The following GNA14 variants were observed in gnomAD, a reference collection of about 807,000 sequenced individuals.
GNA14 encodes the protein guanine nucleotide-binding protein subunit alpha-14.
Under a neutral mutation model 42.0 loss-of-function variants are expected in GNA14, and 50 were observed. The ratio of observed to expected loss-of-function variants is 1.19; its 90% CI spans 0.95 to 1.51. The LOEUF is 1.51. Ranked by LOEUF, GNA14 falls within the 40% of genes most tolerant of loss-of-function variation. GNA14 has a pLI of 0.00. For synonymous variants in GNA14, 173 were observed against 163.1 expected, an observed-to-expected ratio of 1.06 and a Z score of -0.46; for missense variants, 473 against 446.2, an observed-to-expected ratio of 1.06 and a Z score of -0.54.
At chr9:77,643,232 G>A (rs917049610) in intron 1 of GNA14, among the ~76,000 whole-genome samples, 11 of 150,638 alleles carry the variant, frequency 7.3e-5, no homozygotes, top group Middle Eastern at 3.2e-3. Context: ...GAGTGGGAAG[G>A]TGTTGTCATT....
intron 2 of GNA14, among the ~76,000 whole-genome samples, chr9:77,454,700 C>G (rs1835970096): frequency 6.6e-6 from 1 of 151,576 alleles, no homozygotes; most frequent in Non-Finnish European, 1.5e-5. Context: ...TCCATAAACT[C>G]TCTTCTGCAA....
intron 2 of GNA14, among the ~76,000 whole-genome samples, chr9:77,473,514 C>T (rs79233288): frequency 0.014 from 2,055 of 151,852 alleles, 43 homozygotes; most frequent in African/African-American, 0.047. Flanking sequence ...AAAAACATCC[C>T]ACATTCATGA....
intron 1 of GNA14, among the ~76,000 whole-genome samples, chr9:77,623,410 G>A (rs1823964540): frequency 6.6e-6 from 1 of 152,002 alleles, no homozygotes; most frequent in African/African-American, 2.4e-5. Flanking sequence ...ATTTTTGTAA[G>A]CCCCATAAAG....
At chr9:77,435,575 T>C (rs1303552550) in intron 2 of GNA14, among the ~76,000 whole-genome samples, 1 of 152,154 alleles carries the variant, frequency 6.6e-6, no homozygotes, top group East Asian at 1.9e-4. Flanking sequence ...ATTACTATGA[T>C]TATTAAATAA....
rs1296011151 is a variant in GNA14, at chr9:77,598,393, ACC to A, written c.124+49275_124+49276del. 2.6e-5 allele frequency among the ~76,000 whole-genome samples: 4 copies of A among 152,138 alleles called. No individual in the cohort carries two copies. In the East Asian group the frequency reaches 7.7e-4, roughly 29 times the overall value. On this transcript the variant is annotated intron_variant, in intron 1 of 6. Transcript: ENST00000341700. ...CACTCCCATGAAGACTTCTCTAATC[ACC>A]AAAGTCTGCAGTGATTTCTGACCCC...
At chr9:77,441,486 T>A (rs867379765) in intron 2 of GNA14, among the ~76,000 whole-genome samples, 1 of 152,192 alleles carries the variant, frequency 6.6e-6, no homozygotes, top group East Asian at 1.9e-4. Flanking sequence ...TATGTCTTTA[T>A]AGCAATGTGA....
At chr9:77,473,611 A>AT (rs200957339) in intron 2 of GNA14, among the ~76,000 whole-genome samples, 7,407 of 132,514 alleles carry the variant, frequency 0.056, 274 homozygotes, top group East Asian at 0.15. Flanking sequence ...TTTCACCTGG[A>AT]TTTTTTTTTT....
chr9:77,452,593 TG>T (rs1835926074), intron 2 of GNA14, among the ~76,000 whole-genome samples: 1 of 118,844 alleles, frequency 8.4e-6, no homozygotes, highest in Non-Finnish European at 1.7e-5. Flanking sequence ...TATGTGTGTG[TG>T]TGGTGTGTAT....
At chr9:77,647,387 C>T (rs889701532) in intron 1 of GNA14, among the ~76,000 whole-genome samples, 2 of 152,154 alleles carry the variant, frequency 1.3e-5, no homozygotes, top group Admixed American at 6.5e-5. Context: ...GAGGGGCACA[C>T]CGGAACACAT....
At chr9:77,642,117 T>C (rs577259931) in intron 1 of GNA14, among the ~76,000 whole-genome samples, 16 of 152,378 alleles carry the variant, frequency 1.1e-4, no homozygotes, top group African/African-American at 2.2e-4. Flanking sequence ...ATTGTGATCA[T>C]ACATTTGTCA....
At chr9:77,443,701 G>A (rs954755644) in intron 2 of GNA14, among the ~76,000 whole-genome samples, 4 of 151,762 alleles carry the variant, frequency 2.6e-5, no homozygotes, top group African/African-American at 9.7e-5. Context: ...CTTCAGTCGG[G>A]GCTGGGCACT....
intron 2 of GNA14, among the ~76,000 whole-genome samples, chr9:77,527,937 C>G (rs765449677): frequency 6.6e-6 from 1 of 152,118 alleles, no homozygotes; most frequent in Admixed American, 6.5e-5. Context: ...GCCCAGCCCA[C>G]CCCACGCAAG....
At chr9:77,605,939 C>T (rs1268658340) in intron 1 of GNA14, among the ~76,000 whole-genome samples, 3 of 152,170 alleles carry the variant, frequency 2.0e-5, no homozygotes, top group Admixed American at 2.0e-4. Flanking sequence ...AAGAGACTAT[C>T]CATTGGCAGA....
At chr9:77,500,548 C>G (rs1836949221) in intron 2 of GNA14, among the ~76,000 whole-genome samples, 5 of 152,170 alleles carry the variant, frequency 3.3e-5, no homozygotes, top group Admixed American at 3.3e-4. Flanking sequence ...TAGAACATTT[C>G]TGCCACCACA....
In GNA14 at chr9:77,431,365, G is replaced by A. The variant is rs61755086; in HGVS notation, c.549C>T (p.Thr183=). 9,924 of 1,613,480 alleles carry A rather than the reference G, an allele frequency of 6.2e-3. 45 individuals are homozygous for A. The highest frequency in any genetic ancestry group is 0.012 in the South Asian group (1,061 of 90,978). ...AGTCAAATGGATACTCAATGATGCC[G>A]GTGGTGGGCACTCGGACGCGAAGCA... The part of the protein sequence containing the change: ...QDVLRVRVPT[T]GIIEYPFDLE... Residue 183 remains threonine, a synonymous_variant, in exon 4 of 7, where the codon ACC becomes ACT. Transcript: ENST00000341700.
chr9:77,504,453 T>C (rs911406372), intron 2 of GNA14, among the ~76,000 whole-genome samples: 8 of 151,284 alleles, frequency 5.3e-5, no homozygotes, highest in East Asian at 1.9e-4. Flanking sequence ...GAAAAGCTCC[T>C]AGAAGACTCA....
At chr9:77,517,980 T>C (rs1837287786) in intron 2 of GNA14, 1 of 152,142 alleles carries the variant, frequency 6.6e-6, no homozygotes, top group Non-Finnish European at 1.5e-5. Context: ...TATTGACATA[T>C]TATGTATAAC....
intron 2 of GNA14, among the ~76,000 whole-genome samples, chr9:77,505,298 T>G (rs2131745989): frequency 6.6e-6 from 1 of 152,344 alleles, no homozygotes; most frequent in South Asian, 2.1e-4. Flanking sequence ...TTAAATAAAC[T>G]TGGCAAAGGC....
intron 1 of GNA14, among the ~76,000 whole-genome samples, chr9:77,567,867 A>G (rs1822992141): frequency 6.6e-6 from 1 of 152,214 alleles, no homozygotes; most frequent in South Asian, 2.1e-4. Flanking sequence ...ACTCCGTCTC[A>G]AAAACAAAAA....
Sources: gnomAD v4.1 joint callset for allele counts (sites outside exome capture counted in the v4.1 genomes callset) on GRCh38, gnomAD v4.1.1 for gene constraint, MANE v1.5 for transcripts, NCBI Gene and HGNC (gene_info 2026-07-23, HGNC 2026-07-21) for gene names.